The following TRPM1 variants were observed in gnomAD, a reference collection of about 807,000 sequenced individuals.
TRPM1 encodes transient receptor potential cation channel subfamily M member 1, also known as TRPM1-203 APA Isoform, Intron 10.
Under a neutral mutation model 149.4 loss-of-function variants are expected in TRPM1, and 113 were observed. The ratio of observed to expected loss-of-function variants is 0.76; its 90% CI spans 0.65 to 0.88. The LOEUF (loss-of-function observed/expected upper bound fraction) is 0.88, where lower values mean the gene tolerates loss of function less well. Ranked by LOEUF, TRPM1 falls within the 40% of genes least tolerant of loss-of-function variation. The pLI, the probability that TRPM1 is intolerant of heterozygous loss-of-function variation, is 0.00. For missense variants in TRPM1, 1,976 were observed against 2,038.7 expected, an observed-to-expected ratio of 0.97 and a Z score of 0.59; for synonymous variants, 741 against 759.5, an observed-to-expected ratio of 0.98 and a Z score of 0.40.
chr15:31,124,490 C>G (rs1045104889), intron 1 of TRPM1, among the ~76,000 whole-genome samples: 1 of 148,486 alleles, frequency 6.7e-6, no homozygotes, highest in Non-Finnish European at 1.5e-5. Flanking sequence ...CTTCTCTCTA[C>G]TAAAAATTCA....
At chr15:31,097,748 G>A (rs541839914) in intron 1 of TRPM1, among the ~76,000 whole-genome samples, 1 of 152,214 alleles carries the variant, frequency 6.6e-6, no homozygotes, top group East Asian at 1.9e-4. Context: ...CAAACTTCCC[G>A]ATATTCAAGA....
intron 1 of TRPM1, among the ~76,000 whole-genome samples, chr15:31,145,736 A>G (rs1215526203): frequency 2.0e-5 from 3 of 152,120 alleles, no homozygotes; most frequent in Admixed American, 2.0e-4. Context: ...CACGGCTGCA[A>G]AAAATCAATA....
At chr15:31,104,114 G>A (rs1394902631), upstream of TRPM1, among the ~76,000 whole-genome samples, 6 of 152,154 alleles carry the variant, frequency 3.9e-5, no homozygotes, top group Non-Finnish European at 7.3e-5. Flanking sequence ...GAACACCACC[G>A]TGAAGGGTGG....
intron 1 of TRPM1, among the ~76,000 whole-genome samples, chr15:31,132,101 C>T (rs531404278): frequency 9.2e-5 from 14 of 152,322 alleles, no homozygotes; most frequent in East Asian, 3.9e-4. Context: ...TGGGCCATTA[C>T]GCGGATTACC....
chr15:31,147,375 G>T (rs959930384), intron 1 of TRPM1, among the ~76,000 whole-genome samples: 1 of 152,210 alleles, frequency 6.6e-6, no homozygotes, highest in Non-Finnish European at 1.5e-5. Context: ...TTTTCAGTCG[G>T]GGTTCTAAAA....
At chr15:31,008,525 T>G (rs1055899635) in intron 27 of TRPM1, among the ~76,000 whole-genome samples, 1 of 152,232 alleles carries the variant, frequency 6.6e-6, no homozygotes, top group African/African-American at 2.4e-5. Flanking sequence ...ACCTAGCCTT[T>G]TATTCCTGGG....
At chr15:31,095,875 C>T (rs1042374731) in intron 1 of TRPM1, among the ~76,000 whole-genome samples, 2 of 151,612 alleles carry the variant, frequency 1.3e-5, no homozygotes, top group Non-Finnish European at 2.9e-5. Context: ...GAAACCCCAT[C>T]GCTACTAAAA....
In TRPM1 at chr15:31,027,093, T is replaced by C; in HGVS notation, c.3318A>G (p.Ser1106=). Residue 1106 remains serine, a synonymous_variant, in exon 26 of 28, where the codon TCA becomes TCG. Transcript: ENST00000256552. ...GGAACTTCCACACCTGGTTGGATAT[T>C]GATTTTACTTCAAAGAAGGTATTGC... ...VFNNTFFEVK[S]ISNQVWKFQR... 6.2e-7 allele frequency: 1 copy of C among 1,614,188 alleles called. No homozygotes were observed. Among genetic ancestry groups the C allele is most frequent in the Non-Finnish European group, 8.5e-7 (1 of 1,180,026 alleles).
intron 3 of TRPM1, among the ~76,000 whole-genome samples, chr15:31,072,010 T>TAGAGAG (rs1390003241): frequency 1.3e-4 from 4 of 30,066 alleles, no homozygotes; most frequent in Admixed American, 3.9e-4. Context: ...TATATATATA[T>TAGAGAG]ATATATATAG....
chr15:31,138,472 G>A (rs752670410), intron 1 of TRPM1, among the ~76,000 whole-genome samples: 1 of 152,220 alleles, frequency 6.6e-6, no homozygotes, highest in Non-Finnish European at 1.5e-5. Flanking sequence ...TTCTAGGAAT[G>A]AGCCCAGGAA....
At chr15:31,114,209 C>T (rs535863088) in intron 1 of TRPM1, among the ~76,000 whole-genome samples, 1 of 152,274 alleles carries the variant, frequency 6.6e-6, no homozygotes, top group South Asian at 2.1e-4. Flanking sequence ...GTGTTGTTCC[C>T]CTCTATGTGT....
chr15:31,085,633 G>T (rs947969366), intron 1 of TRPM1, among the ~76,000 whole-genome samples: 1 of 152,228 alleles, frequency 6.6e-6, no homozygotes, highest in African/African-American at 2.4e-5. Flanking sequence ...AGGAACGCTT[G>T]TCGCTTTTGC....
rs750905683 is a variant in TRPM1, at chr15:31,040,299, T to C, written c.2135A>G (p.His712Arg). The C allele has an allele frequency of 3.7e-6, 6 of 1,614,208 alleles. 1 individual carries two copies. In the Admixed American group the frequency reaches 1.0e-4, roughly 27 times the overall value. Reference protein sequence around the residue: ...ALELLDQSYKHDEQIAMKLLT... With the variant: ...ALELLDQSYKRDEQIAMKLLT... The stretch of plus-strand genomic sequence containing the variant: ...GAGTTTCATAGCGATCTGCTCGTCA[T>C]GCTTATAGGACTGGTCTAATAACTC... Residue 712 changes from histidine (H) to arginine (R), a missense_variant, in exon 18 of 28, where the codon CAT (histidine) becomes CGT (arginine). Physicochemically the swap from His to Arg is conservative, Grantham distance 29 (BLOSUM62 0). Around this residue, in one of 3 missense-constraint regions of TRPM1, gnomAD observed 1,332 missense variants for 1,347.1 expected, o/e 0.99. Transcript: ENST00000256552. This position sits in a 1 kb window ranked among gnomAD's most constrained non-coding sequence, Gnocchi z 4.2.
chr15:31,078,646 G>A (rs2034776641), intron 2 of TRPM1, among the ~76,000 whole-genome samples: 1 of 152,204 alleles, frequency 6.6e-6, no homozygotes, highest in African/African-American at 2.4e-5. Flanking sequence ...TGGAGCGGGA[G>A]CCTCTGAAGC....
At chr15:31,045,040 C>T (rs1008183517) in intron 16 of TRPM1, among the ~76,000 whole-genome samples, 3 of 152,054 alleles carry the variant, frequency 2.0e-5, no homozygotes, top group Non-Finnish European at 2.9e-5. Context: ...GGACTGGACC[C>T]GGAAATTTTA....
intron 1 of TRPM1, among the ~76,000 whole-genome samples, chr15:31,082,800 G>T (rs1284599639): frequency 6.6e-6 from 1 of 152,220 alleles, no homozygotes. Flanking sequence ...TATTCTCTGG[G>T]CATTTACGTA....
chr15:31,040,372 G>A lies in TRPM1; in HGVS notation c.2088-26C>T, dbSNP rs201501382. The A allele has an allele frequency of 4.9e-5, 78 of 1,605,580 alleles. No homozygotes were observed. The African/African-American group carries it at 9.1e-4, about 19-fold the overall frequency. The stretch of plus-strand genomic sequence containing the variant: ...CTGGGGGGAAAGAGAAGGGACCAGG[G>A]TGAAGCCACAGTGGCCGCAAGCTGT... On this transcript the variant is annotated intron_variant, in intron 17 of 27. Coordinates refer to ENST00000256552, the MANE Select transcript of TRPM1 (RefSeq NM_001252024.2). This position sits in a 1 kb window ranked among gnomAD's most constrained non-coding sequence, Gnocchi z 4.2.
intron 1 of TRPM1, among the ~76,000 whole-genome samples, chr15:31,085,492 G>A (rs767565553): frequency 2.6e-5 from 4 of 152,166 alleles, no homozygotes; most frequent in Non-Finnish European, 5.9e-5. Context: ...CAACATTGTC[G>A]GGGCTTTACT....
intron 3 of TRPM1, among the ~76,000 whole-genome samples, chr15:31,072,876 T>A (rs973493376): frequency 1.3e-5 from 2 of 152,182 alleles, no homozygotes; most frequent in African/African-American, 2.4e-5. Flanking sequence ...TTATTTATTT[T>A]TTTTTAATTA....
Sources: allele counts gnomAD v4.1 joint callset (sites outside exome capture counted in the v4.1 genomes callset), GRCh38; gene constraint gnomAD v4.1.1; regional missense constraint gnomAD v4.1.1; non-coding constraint Gnocchi (gnomAD v3.1); transcripts MANE v1.5; gene names NCBI Gene and HGNC (gene_info 2026-07-23, HGNC 2026-07-21).